NRG3: variants seen among roughly 807,000 people sequenced by gnomAD.
NRG3 encodes pro-neuregulin-3, membrane-bound isoform.
A neutral mutation model predicts 66.9 loss-of-function variants in NRG3; 31 were observed. The observed-to-expected ratio is 0.46, with a 90% confidence interval of 0.35 to 0.63. The LOEUF (loss-of-function observed/expected upper bound fraction) is 0.63, where lower values mean the gene tolerates loss of function less well. NRG3 is among the 20% of genes least tolerant of loss of function. The pLI, the probability that NRG3 is intolerant of heterozygous loss-of-function variation, is 0.00. For missense variants in NRG3, 910 were observed against 878.9 expected, an observed-to-expected ratio of 1.04 and a Z score of -0.45; for synonymous variants, 393 against 359.4, an observed-to-expected ratio of 1.09 and a Z score of -1.06.
rs372995011 is a variant in NRG3 at position 82,568,956 on chromosome 10, A to G, written c.954-169621A>G. On this transcript the variant is annotated intron_variant, in intron 2 of 8. Transcript: ENST00000372141. ...CCTTTACCATTAGTGCTTTAACTGA[A>G]TCTCTCCATGCCAGTAAGCCTTCTA... Among the ~76,000 whole-genome samples, 13 of 151,898 alleles carry G rather than the reference A, an allele frequency of 8.6e-5. No homozygotes were observed. In the South Asian group the frequency reaches 1.5e-3, roughly 17 times the overall value.
intron 2 of NRG3, among the ~76,000 whole-genome samples, chr10:82,465,373 A>G (rs1840577242): frequency 6.6e-6 from 1 of 152,210 alleles, no homozygotes; most frequent in Non-Finnish European, 1.5e-5. Flanking sequence ...TCTCAGGAGA[A>G]GAGAGGACTT....
intron 4 of NRG3, among the ~76,000 whole-genome samples, chr10:82,946,537 C>CAA (rs781235674): frequency 2.1e-4 from 27 of 130,018 alleles, no homozygotes; most frequent in African/African-American, 7.5e-4. Flanking sequence ...GACTCTGCCT[C>CAA]AAAAAAAAAA....
chr10:82,614,115 G>T (rs924008835), intron 2 of NRG3, among the ~76,000 whole-genome samples: 8 of 138,584 alleles, frequency 5.8e-5, no homozygotes, highest in African/African-American at 8.7e-5. Flanking sequence ...GGCCAGGCTG[G>T]TCTCAAACTC....
intron 1 of NRG3, among the ~76,000 whole-genome samples, chr10:82,183,697 G>A (rs2073597069): frequency 6.6e-6 from 1 of 152,048 alleles, no homozygotes; most frequent in Non-Finnish European, 1.5e-5. Flanking sequence ...AATGTCTAGA[G>A]ACATTTTTGG....
At chr10:82,769,641 C>G (rs1369320534) in intron 3 of NRG3, among the ~76,000 whole-genome samples, 1 of 152,000 alleles carries the variant, frequency 6.6e-6, no homozygotes, top group East Asian at 1.9e-4. Context: ...AAGCAATAGA[C>G]TAGGATTAGA....
chr10:82,870,862 C>T (rs1030503375), intron 4 of NRG3, among the ~76,000 whole-genome samples: 5 of 152,096 alleles, frequency 3.3e-5, no homozygotes, highest in African/African-American at 9.7e-5. Context: ...TTCTGTCATT[C>T]TGCGGCTTTT....
intron 1 of NRG3, among the ~76,000 whole-genome samples, chr10:82,054,376 G>A (rs2063739101): frequency 6.6e-6 from 1 of 152,170 alleles, no homozygotes; most frequent in Non-Finnish European, 1.5e-5. Flanking sequence ...GGTAAGGTGT[G>A]ATGGAGGAAA....
intron 1 of NRG3, among the ~76,000 whole-genome samples, chr10:82,163,300 A>G (rs1471851491): frequency 3.9e-5 from 6 of 152,264 alleles, no homozygotes; most frequent in South Asian, 2.1e-4. Flanking sequence ...GCCTCTCTTT[A>G]CTTTGCACCT....
chr10:82,667,798 C>T (rs1267415765), intron 2 of NRG3, among the ~76,000 whole-genome samples: 5 of 152,182 alleles, frequency 3.3e-5, no homozygotes, highest in Non-Finnish European at 7.3e-5. Flanking sequence ...ACTCTTTGTT[C>T]ACCCCAAGAA....
chr10:82,720,487 G>A (rs1023220635), intron 2 of NRG3, among the ~76,000 whole-genome samples: 3 of 152,064 alleles, frequency 2.0e-5, no homozygotes, highest in African/African-American at 4.8e-5. Flanking sequence ...ATAAACATAA[G>A]TCTCCATTGT....
At chr10:82,819,210 C>CT (rs1405792085) in intron 3 of NRG3, among the ~76,000 whole-genome samples, 1 of 152,194 alleles carries the variant, frequency 6.6e-6, no homozygotes, top group Non-Finnish European at 1.5e-5. Flanking sequence ...TGTTCTCTCT[C>CT]TGTCTCAACT....
intron 1 of NRG3, among the ~76,000 whole-genome samples, chr10:82,200,497 A>G (rs1043600625): frequency 2.0e-5 from 3 of 152,216 alleles, no homozygotes; most frequent in African/African-American, 7.2e-5. Context: ...GGAATTACTC[A>G]GCCTGCTTAT....
At chr10:82,759,707 G>C (rs1351663455) in intron 3 of NRG3, among the ~76,000 whole-genome samples, 1 of 152,124 alleles carries the variant, frequency 6.6e-6, no homozygotes, top group Admixed American at 6.6e-5. Flanking sequence ...TCCAGCAAAA[G>C]TAGCATAACA....
intron 4 of NRG3, among the ~76,000 whole-genome samples, chr10:82,904,035 TA>T (rs1172860733): frequency 3.5e-4 from 53 of 152,310 alleles, no homozygotes; most frequent in African/African-American, 1.2e-3. Flanking sequence ...GCTTGTATTT[TA>T]ACATCTTCTT....
At chr10:81,980,886 C>T (rs978321199) in intron 1 of NRG3, among the ~76,000 whole-genome samples, 5 of 152,074 alleles carry the variant, frequency 3.3e-5, no homozygotes, top group Non-Finnish European at 5.9e-5. Context: ...TTTTGTGTGT[C>T]CATATTTCTT....
chr10:82,610,609 G>A (rs1039327167), intron 2 of NRG3, among the ~76,000 whole-genome samples: 2 of 152,038 alleles, frequency 1.3e-5, no homozygotes, highest in African/African-American at 4.8e-5. Context: ...ACATAATTTT[G>A]TACCCCTAAT....
At chr10:82,009,686 T>C (rs1473296047) in intron 1 of NRG3, among the ~76,000 whole-genome samples, 1 of 140,466 alleles carries the variant, frequency 7.1e-6, no homozygotes, top group African/African-American at 2.7e-5. Flanking sequence ...GAATTTTACA[T>C]GGAAATTGGG....
chr10:82,398,640 G>C (rs777189093), intron 2 of NRG3, among the ~76,000 whole-genome samples: 1 of 151,904 alleles, frequency 6.6e-6, no homozygotes, highest in African/African-American at 2.4e-5. Context: ...TAAACAAACC[G>C]ACATTTTAAC....
intron 2 of NRG3, among the ~76,000 whole-genome samples, chr10:82,417,870 A>T (rs1392059234): frequency 6.6e-6 from 1 of 152,186 alleles, no homozygotes; most frequent in Non-Finnish European, 1.5e-5. Flanking sequence ...TTAAGAGCTG[A>T]TCAGAAAGAG....
Sources: allele counts gnomAD v4.1 joint callset (sites outside exome capture counted in the v4.1 genomes callset), GRCh38; gene constraint gnomAD v4.1.1; transcripts MANE v1.5; gene names NCBI Gene and HGNC (gene_info 2026-07-23, HGNC 2026-07-21).